The following NUP93 variants were observed in gnomAD, a reference collection of about 807,000 sequenced individuals.
The protein encoded by NUP93 is nucleoporin 93, also known as nuclear pore complex protein Nup93.
In NUP93, 55 loss-of-function variants were observed where a neutral mutation model predicts 107.8. The ratio of observed to expected loss-of-function variants is 0.51; its 90% CI spans 0.41 to 0.64. The LOEUF is 0.64. Among genes scored for constraint, NUP93 ranks in the 30% least tolerant of loss-of-function variants. NUP93 has a pLI of 0.00. For missense variants in NUP93, 937 were observed against 1,044.7 expected (o/e 0.90, Z 1.42); for synonymous variants, 390 against 397.5 (o/e 0.98, Z 0.22).
intron 1 of NUP93, among the ~76,000 whole-genome samples, chr16:56,731,958 A>G (rs761164326): frequency 3.9e-5 from 6 of 151,958 alleles, no homozygotes; most frequent in Non-Finnish European, 8.8e-5. Context: ...ACCCCTTTAC[A>G]GTGAGCTATA....
At chr16:56,823,060 A>G (rs1290438125) in intron 7 of NUP93, among the ~76,000 whole-genome samples, 2 of 152,132 alleles carry the variant, frequency 1.3e-5, no homozygotes, top group African/African-American at 2.4e-5. Context: ...TTAAGGAGCC[A>G]TTTACAGGCA....
At chr16:56,741,269 T>A (rs1196011747) in intron 1 of NUP93, among the ~76,000 whole-genome samples, 2 of 152,324 alleles carry the variant, frequency 1.3e-5, no homozygotes, top group South Asian at 2.1e-4. Flanking sequence ...GTTGCCAAAT[T>A]GGCAACTTGG....
chr16:56,839,233 CTTTTTTTTTTTTTTTTT>C (rs71152206), intron 19 of NUP93, 164 bp downstream of exon 19: 1 of 52,744 alleles, frequency 1.9e-5, no homozygotes, highest in Non-Finnish European at 3.3e-5. Context: ...TCCTGTGTGG[CTTTTTTTTTTTTTTTTT>C]TTTTTTTTTT....
At chr16:56,751,632 A>G (rs1242965462) in intron 2 of NUP93, among the ~76,000 whole-genome samples, 1 of 152,184 alleles carries the variant, frequency 6.6e-6, no homozygotes, top group East Asian at 1.9e-4. Context: ...CCCCACATTC[A>G]ACAGAGGAAG....
intron 3 of NUP93, among the ~76,000 whole-genome samples, chr16:56,762,284 T>C (rs1962140976): frequency 6.6e-6 from 1 of 152,234 alleles, no homozygotes; most frequent in Admixed American, 6.5e-5. Context: ...GTAGTCCAGT[T>C]ATATTCTGGG....
At chr16:56,788,899 G>A (rs1249219232) in intron 3 of NUP93, among the ~76,000 whole-genome samples, 1 of 152,192 alleles carries the variant, frequency 6.6e-6, no homozygotes, top group African/African-American at 2.4e-5. Flanking sequence ...CCCCATTATT[G>A]CAGATGACTT....
At chr16:56,764,617 G>C (rs1254520325) in intron 3 of NUP93, among the ~76,000 whole-genome samples, 1 of 152,204 alleles carries the variant, frequency 6.6e-6, no homozygotes, top group East Asian at 1.9e-4. Context: ...TAACAGCAAA[G>C]AGGAAAAGTA....
chr16:56,847,344 A>G lies in NUP93; in HGVS notation c.*2735A>G, dbSNP rs1964127909. On this transcript the variant is annotated 3_prime_UTR_variant, in exon 22 of 22. Coordinates refer to ENST00000308159, the MANE Select transcript of NUP93 (RefSeq NM_014669.5). ...TGACAGGTTATTATCTTAAAAACTCATCTTCAGCCCACTTTTTCAGAGAAC... is the reference window on the plus strand; with the variant it reads ...TGACAGGTTATTATCTTAAAAACTCGTCTTCAGCCCACTTTTTCAGAGAAC... 6.6e-6 allele frequency: 1 copy of G among 152,206 alleles called. No homozygotes were observed. The highest frequency in any genetic ancestry group is 1.5e-5 in the Non-Finnish European group (1 of 68,048). The allele number at this position is 152,206 out of a possible 1,614,324, so 9.4% of individuals were successfully genotyped here.
chr16:56,778,250 C>T (rs147114026), intron 3 of NUP93, among the ~76,000 whole-genome samples: 6 of 152,140 alleles, frequency 3.9e-5, no homozygotes, highest in South Asian at 2.1e-4. Flanking sequence ...TTTAGCTTGC[C>T]GGAAGTGAAA....
chr16:56,753,738 G>T (rs1392366419), intron 2 of NUP93, among the ~76,000 whole-genome samples: 1 of 152,150 alleles, frequency 6.6e-6, no homozygotes, highest in Non-Finnish European at 1.5e-5. Context: ...GGGACAACCT[G>T]TTGATGAAAA....
chr16:56,823,859 T>C lies in NUP93; in HGVS notation c.794+13T>C, dbSNP rs1395814042. The C allele has an allele frequency of 6.2e-7, 1 of 1,611,948 alleles. No individual in the cohort carries two copies. The highest frequency in any genetic ancestry group is 1.1e-5 in the South Asian group (1 of 91,030). On this transcript the variant is annotated intron_variant, in intron 8 of 21. Coordinates refer to ENST00000308159, the MANE Select transcript of NUP93 (RefSeq NM_014669.5). ...ACCTTGAGCAGAGGTAAGGCAGCAG[T>C]AGCACAGTGGGGCTGGCTTTCACAT...
At position 56,849,892 on chromosome 16, in the gene NUP93, G is replaced by A. The variant is rs1418878898; in HGVS notation, c.*5283G>A. 1 of 151,360 alleles carries A rather than the reference G, an allele frequency of 6.6e-6. No individual in the cohort carries two copies. Among genetic ancestry groups the A allele is most frequent in the African/African-American group, 2.5e-5 (1 of 40,654 alleles). 9.4% of individuals were successfully genotyped at this position (151,360 alleles called of 1,614,324 possible). ...GAGATACGCAGTTTTGAAGAGCTAG[G>A]CAGGCAGCTGAGCGGGATAATGTGG... is the stretch of plus-strand genomic sequence containing the variant. On this transcript the variant is annotated 3_prime_UTR_variant, in exon 22 of 22. Coordinates refer to ENST00000308159, the MANE Select transcript of NUP93 (RefSeq NM_014669.5).
At chr16:56,830,393 G>T (rs1272616974) in intron 9 of NUP93, 135 bp from the exon 10 acceptor site, 8 of 760,848 alleles carry the variant, frequency 1.1e-5, no homozygotes, top group Admixed American at 5.8e-5. Flanking sequence ...GCTGTTAATG[G>T]TTCTCACTGC....
intron 1 of NUP93, among the ~76,000 whole-genome samples, chr16:56,740,254 T>C (rs1357443807): frequency 7.0e-6 from 1 of 143,096 alleles, no homozygotes; most frequent in African/African-American, 2.6e-5. Flanking sequence ...GCGGAGGGGC[T>C]CCTCACTTCT....
At chr16:56,760,522 A>C (rs1245814292) in intron 3 of NUP93, among the ~76,000 whole-genome samples, 4 of 152,186 alleles carry the variant, frequency 2.6e-5, no homozygotes, top group African/African-American at 9.7e-5. Flanking sequence ...GGCAAAAGGC[A>C]AAGTGGGAGC....
intron 20 of NUP93, among the ~76,000 whole-genome samples, chr16:56,841,156 C>G (rs767080538): frequency 1.3e-5 from 2 of 152,176 alleles, no homozygotes; most frequent in South Asian, 4.1e-4. Context: ...TAGCCACTTG[C>G]TCCTTTGTTA....
chr16:56,787,313 A>G (rs1363432700), intron 3 of NUP93, among the ~76,000 whole-genome samples: 1 of 152,256 alleles, frequency 6.6e-6, no homozygotes, highest in East Asian at 1.9e-4. Context: ...ATTGCTGCAT[A>G]GCAGGAGGAG....
At chr16:56,751,792 C>G (rs931501321) in intron 2 of NUP93, among the ~76,000 whole-genome samples, 8 of 152,144 alleles carry the variant, frequency 5.3e-5, no homozygotes, top group African/African-American at 1.9e-4. Flanking sequence ...AAGGAGACTC[C>G]AGCTTCCATG....
At chr16:56,819,530 G>T (rs902398140) in intron 6 of NUP93, among the ~76,000 whole-genome samples, 3 of 152,264 alleles carry the variant, frequency 2.0e-5, no homozygotes, top group African/African-American at 7.2e-5. Context: ...GATTCTTTGA[G>T]GGGGGACCCA....
Sources: gnomAD v4.1 joint callset for allele counts (sites outside exome capture counted in the v4.1 genomes callset) on GRCh38, gnomAD v4.1.1 for gene constraint, MANE v1.5 for transcripts, NCBI Gene and HGNC (gene_info 2026-07-23, HGNC 2026-07-21) for gene names.